Variants in PCF11 observed in about 807,000 individuals in gnomAD.
PCF11 encodes the protein PCF11 cleavage and polyadenylation factor subunit, also known as pre-mRNA cleavage complex 2 protein Pcf11.
A neutral mutation model predicts 166.1 loss-of-function variants in PCF11; 19 were observed. The ratio of observed to expected loss-of-function variants is 0.11; its 90% CI spans 0.08 to 0.17. PCF11 has a LOEUF of 0.17. Among genes scored for constraint, PCF11 ranks in the 10% least tolerant of loss-of-function variants. The pLI is 1.00. For missense variants in PCF11, 1,565 were observed against 1,855.5 expected, an observed-to-expected ratio of 0.84 and a Z score of 2.88; for synonymous variants, 663 against 644.1, an observed-to-expected ratio of 1.03 and a Z score of -0.44.
rs570621984 is a variant in PCF11 at position 83,158,417 on chromosome 11, A to G, written c.192+786A>G. ...TAACAAGTACTTGCAGTTTCTCTGA[A>G]AAGTTCAGTCCCTCCTCCTCTTCCT... On this transcript the variant is annotated intron_variant, in intron 1 of 15. Coordinates refer to ENST00000298281, the Ensembl canonical transcript of PCF11. 2.6e-5 allele frequency: 4 copies of G among 152,280 alleles called. No homozygotes were observed. The East Asian group carries it at 5.8e-4, about 22-fold the overall frequency. The allele number at this position is 152,280 out of a possible 1,614,324, so 9.4% of individuals were successfully genotyped here.
intron 7 of PCF11, 117 bp from the exon 8 acceptor site, chr11:83,168,311 C>T (rs753605925): frequency 1.1e-5 from 11 of 957,630 alleles, no homozygotes; most frequent in East Asian, 2.6e-5. Context: ...TTTACGCTGT[C>T]GGTCTCTCCT....
chr11:83,178,117 T>A (rs1006234349), intron 11 of PCF11, among the ~76,000 whole-genome samples: 1 of 152,296 alleles, frequency 6.6e-6, no homozygotes, highest in Admixed American at 6.5e-5. Context: ...CCTGACTCAC[T>A]GCAACCTCTG....
exon 16 of PCF11, chr11:83,186,958 G>C (rs1399573892): frequency 1.3e-5 from 2 of 152,214 alleles, no homozygotes; most frequent in Non-Finnish European, 2.9e-5. Flanking sequence ...TGGAGAAGAG[G>C]GTCAAGGATG....
Position 83,167,417 on chromosome 11 carries a change from G to A in PCF11, c.2004G>A (p.Thr668=), listed in dbSNP as rs747721255. The change falls in exon 7 of 16, where the codon ACG becomes ACA. Residue 668 remains threonine (T), a splice_region_variant and synonymous_variant. Transcript: ENST00000298281. This position sits in a 1 kb window ranked among gnomAD's most constrained non-coding sequence, Gnocchi z 4.2. ...TTCCTTTTATCACCCCTATACAGACGAGTGAACGTTTAGCATCTGGTGAAA... is the reference window on the plus strand; with the variant it reads ...TTCCTTTTATCACCCCTATACAGACAAGTGAACGTTTAGCATCTGGTGAAA... The A allele has an allele frequency of 2.9e-5, 47 of 1,593,468 alleles. No homozygotes were observed. The highest frequency in any genetic ancestry group is 3.7e-5 in the Non-Finnish European group (43 of 1,172,990).
chr11:83,166,360 G>C (rs1810371799), exon 5 of PCF11: 2 of 1,613,934 alleles, frequency 1.2e-6, no homozygotes, highest in Non-Finnish European at 1.7e-6. Context: ...CCCAAGTCTA[G>C]GTCACCAATT....
At chr11:83,159,455 C>G (rs1020669426) in intron 1 of PCF11, among the ~76,000 whole-genome samples, 3 of 152,062 alleles carry the variant, frequency 2.0e-5, no homozygotes, top group African/African-American at 7.2e-5. Context: ...CTCAAAGAAC[C>G]TTGCTGGTTT....
rs758500398 is a variant in PCF11 at position 83,167,383 on chromosome 11, ATATTT to A, written c.2002-26_2002-22del. 2 of 1,523,960 alleles carry A rather than the reference ATATTT, an allele frequency of 1.3e-6. No homozygotes were observed. The highest frequency in any genetic ancestry group is 1.3e-5 in the South Asian group (1 of 76,546). The allele number at this position is 1,523,960 out of a possible 1,614,324, so 94.4% of individuals were successfully genotyped here. The stretch of plus-strand genomic sequence containing the variant: ...TTTTTGGTATTTTTTTATATTTAAA[ATATTT>A]TATTTCCTTTTATCACCCCTATACA... On this transcript the variant is annotated intron_variant, in intron 6 of 15. Coordinates refer to ENST00000298281, the Ensembl canonical transcript of PCF11. The surrounding 1 kb of genome is among the most constrained non-coding windows in gnomAD (Gnocchi z 4.2).
intron 9 of PCF11, among the ~76,000 whole-genome samples, chr11:83,175,137 GTTTTC>G (rs1860830465): frequency 6.6e-6 from 1 of 151,968 alleles, no homozygotes; most frequent in South Asian, 2.1e-4. Context: ...TTAAAATATT[GTTTTC>G]TTTTTTTTGA....
chr11:83,169,502 A>G (rs375348326), exon 8 of PCF11: 4 of 1,613,912 alleles, frequency 2.5e-6, no homozygotes, highest in Admixed American at 3.3e-5. Flanking sequence ...GATGGATTAC[A>G]TGGTCAGCCA....
At chr11:83,176,845 C>CA (rs879497723) in intron 9 of PCF11, among the ~76,000 whole-genome samples, 1,753 of 143,116 alleles carry the variant, frequency 0.012, 13 homozygotes, top group Non-Finnish European at 0.021. Context: ...AATAAAAAAA[C>CA]AAAAAAAAAA....
chr11:83,182,151 C>T (rs1313017783), intron 13 of PCF11, 142 bp downstream of exon 13: 1 of 756,868 alleles, frequency 1.3e-6, no homozygotes, highest in African/African-American at 1.8e-5. Context: ...TTCAATTTTA[C>T]TCTTACAATC....
In PCF11 at chr11:83,176,387, A is replaced by T. The variant is rs1002678203; in HGVS notation, c.3758-698A>T. On this transcript the variant is annotated intron_variant, in intron 9 of 15. Transcript: ENST00000298281. Reference sequence around the variant, plus strand: ...TGCTTTTATAAAGACACGTGCACACATATGTTTATTGTGGCACTATTCACA... The same window carrying T: ...TGCTTTTATAAAGACACGTGCACACTTATGTTTATTGTGGCACTATTCACA... Among the ~76,000 whole-genome samples, 12 of 152,212 alleles carry T rather than the reference A, an allele frequency of 7.9e-5. No homozygotes were observed. In the East Asian group the frequency reaches 1.2e-3, roughly 15 times the overall value.
chr11:83,171,951 A>G (rs762629275), intron 9 of PCF11, 37 bp downstream of exon 9: 3 of 979,144 alleles, frequency 3.1e-6, no homozygotes, highest in South Asian at 2.7e-5. Flanking sequence ...CAAAAGACAA[A>G]TGATTATTGT....
rs1309468894 is a variant in PCF11, at chr11:83,167,710, C to G, written c.2092+205C>G. On this transcript the variant is annotated intron_variant, in intron 7 of 15. Coordinates refer to ENST00000298281, the Ensembl canonical transcript of PCF11. This position sits in a 1 kb window ranked among gnomAD's most constrained non-coding sequence, Gnocchi z 4.2. ...TACCCTTTGACTGATGCCTTGTTGT[C>G]TGGAATAGAATGTGAGCCATCCAAA... 1 of 1,498,510 alleles carries G rather than the reference C, an allele frequency of 6.7e-7. No individual in the cohort carries two copies. The highest frequency in any genetic ancestry group is 8.9e-7 in the Non-Finnish European group (1 of 1,124,060). 92.8% of individuals were successfully genotyped at this position (1,498,510 alleles called of 1,614,324 possible). A position where few individuals can be genotyped will look rare whatever the true frequency, so the allele number is the denominator to read the frequency against.
At chr11:83,171,877 T>G (rs1257156484) in exon 9 of PCF11, 6 of 1,600,800 alleles carry the variant, frequency 3.7e-6, no homozygotes, top group Non-Finnish European at 4.3e-6. Flanking sequence ...TTTTACCAGT[T>G]CATCCACAAA....
chr11:83,176,036 C>G (rs780741205), intron 9 of PCF11, among the ~76,000 whole-genome samples: 1 of 152,124 alleles, frequency 6.6e-6, no homozygotes, highest in Admixed American at 6.5e-5. Context: ...TTTCCTGTTA[C>G]GTCAGGGAGC....
chr11:83,183,443 A>AT (rs567376861), intron 15 of PCF11, among the ~76,000 whole-genome samples: 3,065 of 151,210 alleles, frequency 0.02, 101 homozygotes, highest in African/African-American at 0.07. Context: ...ATTTACTGCT[A>AT]TTTTTTTTTC....
In PCF11 at chr11:83,182,946, G is replaced by C. The variant is rs1406523126; in HGVS notation, c.4417-92G>C. On this transcript the variant is annotated intron_variant, in intron 14 of 15. Coordinates refer to ENST00000298281, the Ensembl canonical transcript of PCF11. Reference sequence around the variant, plus strand: ...AAATAATTTTTGTCTTCTTTCCAAAGACTATCTTCTGGCTTAAAGTTAAAA... The same window carrying C: ...AAATAATTTTTGTCTTCTTTCCAAACACTATCTTCTGGCTTAAAGTTAAAA... The C allele has an allele frequency of 1.1e-5, 9 of 812,270 alleles. No homozygotes were observed. The East Asian group carries it at 2.5e-4, about 23-fold the overall frequency. The allele number at this position is 812,270 out of a possible 1,614,324, so 50.3% of individuals were successfully genotyped here.
chr11:83,159,032 A>C (rs1457475122), intron 1 of PCF11, among the ~76,000 whole-genome samples: 1 of 152,158 alleles, frequency 6.6e-6, no homozygotes. Context: ...AAACCTCTTC[A>C]CAAGATACAC....
Sources: allele counts gnomAD v4.1 joint callset (sites outside exome capture counted in the v4.1 genomes callset), GRCh38; gene constraint gnomAD v4.1.1; non-coding constraint Gnocchi (gnomAD v3.1); transcripts MANE v1.5; gene names NCBI Gene and HGNC (gene_info 2026-07-23, HGNC 2026-07-21).